Variants in CSNK2A2IP observed in about 807,000 individuals in gnomAD.
CSNK2A2IP encodes casein kinase II subunit alpha'-interacting protein.
At chr3:88,466,259 G>C in the CSNK2A2IP span, 1 of 1,231,652 alleles carries the variant, frequency 8.1e-7, no homozygotes, top group Non-Finnish European at 1.0e-6. Flanking sequence ...TCAAAAGCAA[G>C]GCAATCAGCA....
chr3:88,389,375 C>T, the CSNK2A2IP span, among the ~76,000 whole-genome samples: 2 of 152,116 alleles, frequency 1.3e-5, no homozygotes, highest in Non-Finnish European at 2.9e-5. Flanking sequence ...TGGACCTTGT[C>T]TGGCTGTGCT....
chr3:88,421,809 A>C, the CSNK2A2IP span, among the ~76,000 whole-genome samples: 1 of 152,184 alleles, frequency 6.6e-6, no homozygotes, highest in Non-Finnish European at 1.5e-5. Flanking sequence ...CACAGCTCCC[A>C]AAAGCCATCT....
At chr3:88,379,922 T>G in the CSNK2A2IP span, among the ~76,000 whole-genome samples, 2 of 152,118 alleles carry the variant, frequency 1.3e-5, no homozygotes, top group Admixed American at 1.3e-4. Context: ...TCCGCAGAAG[T>G]GATTCTCGTC....
the CSNK2A2IP span, among the ~76,000 whole-genome samples, chr3:88,442,119 T>G: frequency 1.3e-5 from 2 of 152,240 alleles, no homozygotes; most frequent in Non-Finnish European, 1.5e-5. Flanking sequence ...AGAATTTGTG[T>G]GTGTATATAA....
chr3:88,371,641 G>A, the CSNK2A2IP span, among the ~76,000 whole-genome samples: 1 of 151,714 alleles, frequency 6.6e-6, no homozygotes, highest in Non-Finnish European at 1.5e-5. Flanking sequence ...AATATTTCCA[G>A]AGATGATGGC....
At chr3:88,465,320 G>GC in the CSNK2A2IP span, 1 of 1,198,226 alleles carries the variant, frequency 8.3e-7, no homozygotes, top group Admixed American at 4.2e-5. Flanking sequence ...ATCCCCACAA[G>GC]CCAACTGCTT....
chr3:88,348,788 T>C, the CSNK2A2IP span, among the ~76,000 whole-genome samples: 54 of 152,016 alleles, frequency 3.6e-4, no homozygotes, highest in Non-Finnish European at 6.8e-4. Context: ...AATCAAAAAA[T>C]AGTAAGAAGA....
chr3:88,358,184 T>A, the CSNK2A2IP span, among the ~76,000 whole-genome samples: 12 of 152,232 alleles, frequency 7.9e-5, no homozygotes, highest in Non-Finnish European at 1.2e-4. Flanking sequence ...GTATGTTGAC[T>A]TTGTATCTTT....
chr3:88,449,854 C>CACACACACACATATATATATAT, the CSNK2A2IP span, among the ~76,000 whole-genome samples: 1 of 84,360 alleles, frequency 1.2e-5, no homozygotes, highest in African/African-American at 4.0e-5. Context: ...CACACACACA[C>CACACACACACATATATATATAT]ATATATATAT....
the CSNK2A2IP span, among the ~76,000 whole-genome samples, chr3:88,339,909 C>A: frequency 6.6e-6 from 1 of 152,000 alleles, no homozygotes; most frequent in East Asian, 1.9e-4. Context: ...TTCATTGTTG[C>A]TCTTCTGGGT....
chr3:88,430,608 C>A, the CSNK2A2IP span, among the ~76,000 whole-genome samples: 1 of 151,698 alleles, frequency 6.6e-6, no homozygotes, highest in African/African-American at 2.4e-5. Flanking sequence ...GACCTGGAGA[C>A]CAGTTATAGA....
At chr3:88,403,340 A>G in the CSNK2A2IP span, among the ~76,000 whole-genome samples, 15 of 152,264 alleles carry the variant, frequency 9.9e-5, no homozygotes, top group East Asian at 2.7e-3. Context: ...AAGTAAGGTC[A>G]CCATTGAAAA....
the CSNK2A2IP span, among the ~76,000 whole-genome samples, chr3:88,376,197 T>C: frequency 6.6e-6 from 1 of 151,894 alleles, no homozygotes; most frequent in Admixed American, 6.6e-5. Flanking sequence ...TGGTGTGCTC[T>C]GTGATTTGAC....
At chr3:88,375,806 C>G in the CSNK2A2IP span, among the ~76,000 whole-genome samples, 15 of 151,724 alleles carry the variant, frequency 9.9e-5, no homozygotes, top group African/African-American at 3.6e-4. Context: ...TAACTCCTGA[C>G]CCACATATTC....
the CSNK2A2IP span, among the ~76,000 whole-genome samples, chr3:88,462,066 C>CT: frequency 1.3e-5 from 2 of 150,086 alleles, no homozygotes; most frequent in Non-Finnish European, 3.0e-5. Context: ...ATTCCATTGC[C>CT]TTTTTTTACC....
At chr3:88,427,658 G>A in the CSNK2A2IP span, among the ~76,000 whole-genome samples, 1 of 152,200 alleles carries the variant, frequency 6.6e-6, no homozygotes, top group Non-Finnish European at 1.5e-5. Flanking sequence ...CATTGCTTCA[G>A]TGGGTTCAAG....
At chr3:88,369,696 T>G in the CSNK2A2IP span, among the ~76,000 whole-genome samples, 2 of 152,056 alleles carry the variant, frequency 1.3e-5, no homozygotes, top group Non-Finnish European at 2.9e-5. Context: ...GGCCTGTTCC[T>G]GAAAGACAGA....
chr3:88,354,710 A>C, the CSNK2A2IP span, among the ~76,000 whole-genome samples: 1 of 152,190 alleles, frequency 6.6e-6, no homozygotes, highest in African/African-American at 2.4e-5. Context: ...TAGAAAAATC[A>C]TGAAAGCTGA....
chr3:88,354,927 G>A, the CSNK2A2IP span, among the ~76,000 whole-genome samples: 1 of 152,022 alleles, frequency 6.6e-6, no homozygotes, highest in African/African-American at 2.4e-5. Flanking sequence ...CATTCAAAGG[G>A]CTACTACATA....
Sources: gnomAD v4.1 joint callset for allele counts (sites outside exome capture counted in the v4.1 genomes callset) on GRCh38, gnomAD v4.1.1 for gene constraint, MANE v1.5 for transcripts, NCBI Gene and HGNC (gene_info 2026-07-23, HGNC 2026-07-21) for gene names.